SLC24A2: variants seen among roughly 807,000 people sequenced by gnomAD.
SLC24A2 encodes sodium/potassium/calcium exchanger 2.
Under a neutral mutation model 62.0 loss-of-function variants are expected in SLC24A2, and 36 were observed. That is an observed-to-expected ratio of 0.58 (90% confidence interval 0.44 to 0.77). SLC24A2 has a LOEUF of 0.77. Among genes scored for constraint, SLC24A2 ranks in the 30% least tolerant of loss-of-function variants. SLC24A2 has a pLI of 0.00. For synonymous variants in SLC24A2, 358 were observed against 294.0 expected (o/e 1.22, Z -2.23); for missense variants, 846 against 817.9 (o/e 1.03, Z -0.42).
chr9:20,233,864 C>T, the SLC24A2 span, among the ~76,000 whole-genome samples: 5 of 152,168 alleles, frequency 3.3e-5, no homozygotes, highest in Admixed American at 3.3e-4. Context: ...GTGGCTGGTA[C>T]TGGTTGTCCC....
At chr9:19,560,055 T>G (rs974366906) in intron 7 of SLC24A2, among the ~76,000 whole-genome samples, 20 of 152,148 alleles carry the variant, frequency 1.3e-4, no homozygotes, top group African/African-American at 4.8e-4. Context: ...CCAAACAAGG[T>G]GTGCTGTGAG....
the SLC24A2 span, among the ~76,000 whole-genome samples, chr9:20,183,578 A>G: frequency 6.6e-6 from 1 of 152,268 alleles, no homozygotes; most frequent in African/African-American, 2.4e-5. Flanking sequence ...AGCAACTTGT[A>G]GAGTTGCCCA....
chr9:19,771,639 G>A (rs551616983), intron 2 of SLC24A2, among the ~76,000 whole-genome samples: 24 of 152,284 alleles, frequency 1.6e-4, no homozygotes, highest in African/African-American at 5.8e-4. Context: ...AAACGAGAGC[G>A]AGGATGTTTC....
chr9:20,031,448 C>A, the SLC24A2 span, among the ~76,000 whole-genome samples: 1 of 149,230 alleles, frequency 6.7e-6, no homozygotes, highest in African/African-American at 2.5e-5. Context: ...AGAGAAAAAT[C>A]TCATGGTGCA....
chr9:19,749,171 C>T (rs1000340612), intron 2 of SLC24A2, among the ~76,000 whole-genome samples: 3 of 150,896 alleles, frequency 2.0e-5, no homozygotes, highest in South Asian at 2.1e-4. Flanking sequence ...AAATAGACAA[C>T]AAAAAGATAC....
chr9:19,717,241 C>T (rs1300024300), intron 2 of SLC24A2, among the ~76,000 whole-genome samples: 1 of 152,120 alleles, frequency 6.6e-6, no homozygotes, highest in Non-Finnish European at 1.5e-5. Context: ...CAAACTTGAG[C>T]ATATTGTGCT....
At chr9:20,103,571 T>C in the SLC24A2 span, among the ~76,000 whole-genome samples, 1 of 152,214 alleles carries the variant, frequency 6.6e-6, no homozygotes, top group Admixed American at 6.5e-5. Flanking sequence ...CCACCGCTGC[T>C]GATTCCCAGG....
At chr9:19,533,896 G>A (rs1459242641) in intron 8 of SLC24A2, among the ~76,000 whole-genome samples, 1 of 152,136 alleles carries the variant, frequency 6.6e-6, no homozygotes, top group Non-Finnish European at 1.5e-5. Context: ...TCTTTCATTT[G>A]GCATATTGTA....
chr9:20,019,169 G>GAAAGAAAGAAAGAAGGA, the SLC24A2 span, among the ~76,000 whole-genome samples: 1 of 137,478 alleles, frequency 7.3e-6, no homozygotes, highest in South Asian at 2.4e-4. Flanking sequence ...GAGAGAGACA[G>GAAAGAAAGAAAGAAGGA]AAAGAAAGAA....
chr9:20,090,361 A>G, the SLC24A2 span, among the ~76,000 whole-genome samples: 1 of 152,218 alleles, frequency 6.6e-6, no homozygotes, highest in Non-Finnish European at 1.5e-5. Context: ...AGATCACCCC[A>G]GAGCTGTCGT....
the SLC24A2 span, among the ~76,000 whole-genome samples, chr9:19,920,272 T>A: frequency 6.6e-6 from 1 of 152,192 alleles, no homozygotes; most frequent in South Asian, 2.1e-4. Flanking sequence ...GCAGATTGAC[T>A]TTGTTTATTT....
intron 2 of SLC24A2, among the ~76,000 whole-genome samples, chr9:19,670,209 T>C (rs1819375901): frequency 6.6e-6 from 1 of 152,116 alleles, no homozygotes; most frequent in South Asian, 2.1e-4. Context: ...TAGCTGTAGG[T>C]GGTAAGTACA....
At chr9:20,005,493 A>G in the SLC24A2 span, among the ~76,000 whole-genome samples, 1 of 151,944 alleles carries the variant, frequency 6.6e-6, no homozygotes, top group African/African-American at 2.4e-5. Flanking sequence ...ATACACAATA[A>G]GATTAAGTAT....
the SLC24A2 span, among the ~76,000 whole-genome samples, chr9:20,149,417 G>A: frequency 6.6e-6 from 1 of 151,520 alleles, no homozygotes; most frequent in Non-Finnish European, 1.5e-5. Flanking sequence ...TTTTTTTTCA[G>A]GCAGCCATAT....
At chr9:19,633,182 C>T (rs1031562703) in intron 2 of SLC24A2, among the ~76,000 whole-genome samples, 12 of 152,170 alleles carry the variant, frequency 7.9e-5, no homozygotes, top group Admixed American at 7.2e-4. Context: ...GGATATACCA[C>T]AGTTTAATGA....
the SLC24A2 span, among the ~76,000 whole-genome samples, chr9:19,826,478 G>A: frequency 6.6e-6 from 1 of 152,120 alleles, no homozygotes; most frequent in Non-Finnish European, 1.5e-5. Flanking sequence ...CCAAGACTGG[G>A]TAATTTATAA....
intron 2 of SLC24A2, among the ~76,000 whole-genome samples, chr9:19,761,702 A>G (rs182382756): frequency 6.6e-6 from 1 of 151,716 alleles, no homozygotes; most frequent in African/African-American, 2.4e-5. Context: ...TCATTGTTCA[A>G]TTCCCACCTA....
At chr9:19,611,020 A>C (rs1837143881) in intron 4 of SLC24A2, among the ~76,000 whole-genome samples, 1 of 152,232 alleles carries the variant, frequency 6.6e-6, no homozygotes, top group Admixed American at 6.5e-5. Context: ...AGGAGAATGC[A>C]GAGCAGGGAG....
the SLC24A2 span, among the ~76,000 whole-genome samples, chr9:20,076,316 C>G: frequency 6.6e-6 from 1 of 152,038 alleles, no homozygotes; most frequent in Non-Finnish European, 1.5e-5. Flanking sequence ...TAAAAGTCAC[C>G]CATCTACTCA....
Sources: gnomAD v4.1 joint callset for allele counts (sites outside exome capture counted in the v4.1 genomes callset) on GRCh38, gnomAD v4.1.1 for gene constraint, MANE v1.5 for transcripts, NCBI Gene and HGNC (gene_info 2026-07-23, HGNC 2026-07-21) for gene names.